The following TMCO4 variants were observed in gnomAD, a reference collection of about 807,000 sequenced individuals.
The protein encoded by TMCO4 is transmembrane and coiled-coil domains 4, also known as transmembrane and coiled-coil domain-containing protein 4.
A neutral mutation model predicts 64.7 loss-of-function variants in TMCO4; 58 were observed. The ratio of observed to expected loss-of-function variants is 0.90; its 90% CI spans 0.73 to 1.12. The LOEUF is 1.12. TMCO4 is among the 50% of genes most tolerant of loss of function. The probability of loss-of-function intolerance (pLI) is 0.00; values close to 1 mark genes in which losing one functional copy is unlikely to be tolerated. For missense variants in TMCO4, 780 were observed against 825.9 expected, an observed-to-expected ratio of 0.94 and a Z score of 0.68; for synonymous variants, 325 against 346.1, an observed-to-expected ratio of 0.94 and a Z score of 0.68.
chr1:19,733,798 A>G (rs1195724005), intron 13 of TMCO4, among the ~76,000 whole-genome samples: 14 of 152,098 alleles, frequency 9.2e-5, no homozygotes, highest in Non-Finnish European at 1.3e-4. Flanking sequence ...TGGCTTGGAG[A>G]GACAGTCTAG....
At chr1:19,684,494 C>T (rs2095131178) in intron 15 of TMCO4, among the ~76,000 whole-genome samples, 1 of 152,048 alleles carries the variant, frequency 6.6e-6, no homozygotes. Flanking sequence ...TTGGTCAAGC[C>T]CCTCTACCCC....
intron 13 of TMCO4, among the ~76,000 whole-genome samples, chr1:19,721,895 C>A (rs1016975569): frequency 6.6e-6 from 1 of 152,182 alleles, no homozygotes; most frequent in African/African-American, 2.4e-5. Context: ...GTACTACTAA[C>A]CTTGGGACTC....
chr1:19,718,924 C>A (rs1268661145), intron 13 of TMCO4, among the ~76,000 whole-genome samples: 1 of 152,166 alleles, frequency 6.6e-6, no homozygotes, highest in East Asian at 1.9e-4. Flanking sequence ...GGTACAACAA[C>A]AATCCCATGA....
In TMCO4 at chr1:19,771,449, C is replaced by T; in HGVS notation, c.213G>A (p.Val71=). The T allele has an allele frequency of 6.2e-7, 1 of 1,614,136 alleles. No homozygotes were observed. Among genetic ancestry groups the T allele is most frequent in the Non-Finnish European group, 8.5e-7 (1 of 1,180,026 alleles). Residue 71 remains valine (V), a synonymous_variant, in exon 5 of 16, where the codon GTG becomes GTA. Transcript: ENST00000294543. ...SFCTEFMAGL[V]QWLELSEAVL... Reference sequence around the variant, plus strand: ...CAGCTTCAGACAACTCCAGCCACTGCACCAGGCCTGCCATGAACTCTGTGC... The same window carrying T: ...CAGCTTCAGACAACTCCAGCCACTGTACCAGGCCTGCCATGAACTCTGTGC...
At chr1:19,740,742 C>A in intron 11 of TMCO4, 35 bp downstream of exon 11, 17 of 1,585,724 alleles carry the variant, frequency 1.1e-5, no homozygotes, top group East Asian at 2.2e-5. Context: ...AGGCAGTGGG[C>A]ATGCTGTTGT....
At chr1:19,754,887 A>T (rs938921654) in intron 7 of TMCO4, among the ~76,000 whole-genome samples, 1 of 152,130 alleles carries the variant, frequency 6.6e-6, no homozygotes. Context: ...CTTCCTAATG[A>T]TCCTGGGAGG....
At chr1:19,702,312 C>T (rs1036579803) in intron 13 of TMCO4, among the ~76,000 whole-genome samples, 2 of 142,360 alleles carry the variant, frequency 1.4e-5, no homozygotes, top group Admixed American at 1.4e-4. Flanking sequence ...AAAGTCAGGG[C>T]CCGGCACAGT....
chr1:19,736,401 G>A (rs1449223316), intron 13 of TMCO4, among the ~76,000 whole-genome samples: 4 of 152,130 alleles, frequency 2.6e-5, no homozygotes, highest in African/African-American at 7.2e-5. Flanking sequence ...TTTGGGTGAG[G>A]ACACAACCAA....
At chr1:19,777,078 G>C (rs1570997837) in intron 4 of TMCO4, among the ~76,000 whole-genome samples, 1 of 146,720 alleles carries the variant, frequency 6.8e-6, no homozygotes, top group Non-Finnish European at 1.5e-5. Flanking sequence ...GCCTCTATTT[G>C]TTCCCAGGCT....
At chr1:19,749,013 A>C (rs2041915212) in intron 7 of TMCO4, among the ~76,000 whole-genome samples, 2 of 152,188 alleles carry the variant, frequency 1.3e-5, no homozygotes, top group Admixed American at 1.3e-4. Flanking sequence ...ATTACACAGA[A>C]GCAGAAAGCA....
chr1:19,689,471 C>G (rs944889991), intron 15 of TMCO4, among the ~76,000 whole-genome samples: 5 of 152,150 alleles, frequency 3.3e-5, no homozygotes, highest in African/African-American at 1.2e-4. Context: ...CACCAAGCAT[C>G]TTACATGCGC....
chr1:19,794,942 T>C (rs1387133199), intron 2 of TMCO4, among the ~76,000 whole-genome samples: 1 of 152,122 alleles, frequency 6.6e-6, no homozygotes, highest in African/African-American at 2.4e-5. Context: ...AGTAGTCAAA[T>C]TCATAGAGAC....
intron 10 of TMCO4, among the ~76,000 whole-genome samples, chr1:19,741,365 C>A (rs1257207630): frequency 6.6e-6 from 1 of 152,200 alleles, no homozygotes; most frequent in Non-Finnish European, 1.5e-5. Context: ...CGAGAGCATA[C>A]AATGGGACAA....
intron 10 of TMCO4, 112 bp downstream of exon 10, chr1:19,745,420 C>T (rs763158626): frequency 8.1e-5 from 122 of 1,510,578 alleles, no homozygotes; most frequent in East Asian, 1.4e-4. Context: ...TCTTCCTCTG[C>T]GAAATGGGGC....
Position 19,791,167 on chromosome 1 carries a change from C to T in TMCO4, c.-100-4050G>A, listed in dbSNP as rs10917539. Among the ~76,000 whole-genome samples the T allele has an allele frequency of 9.8e-3, 1,496 of 152,038 alleles. 26 individuals carry two copies. The highest frequency in any genetic ancestry group is 0.034 in the African/African-American group (1,395 of 41,462). On this transcript the variant is annotated intron_variant, in intron 2 of 15. Transcript: ENST00000294543. ...CTGGGGCCTGTCAGCGGGTGGGATGCGAGGAGAGAGAGCATTAGGAAAAAC... is the reference window on the plus strand; with the variant it reads ...CTGGGGCCTGTCAGCGGGTGGGATGTGAGGAGAGAGAGCATTAGGAAAAAC...
At chr1:19,713,518 A>G (rs1363586744) in intron 13 of TMCO4, among the ~76,000 whole-genome samples, 1 of 151,958 alleles carries the variant, frequency 6.6e-6, no homozygotes, top group African/African-American at 2.4e-5. Context: ...GAACTGGAGG[A>G]GTGAGCCCAG....
intron 15 of TMCO4, among the ~76,000 whole-genome samples, chr1:19,683,810 TG>T (rs1181033242): frequency 7.8e-6 from 1 of 128,118 alleles, no homozygotes; most frequent in African/African-American, 3.0e-5. Context: ...TTGCCCAGGC[TG>T]GAGTGCCGTG....
chr1:19,715,304 C>T (rs561505511), intron 13 of TMCO4, among the ~76,000 whole-genome samples: 1 of 152,154 alleles, frequency 6.6e-6, no homozygotes, highest in Non-Finnish European at 1.5e-5. Context: ...AGTACAGTGG[C>T]ACAATCATAG....
chr1:19,718,650 C>CAAAA (rs754998314), intron 13 of TMCO4, among the ~76,000 whole-genome samples: 11 of 63,332 alleles, frequency 1.7e-4, no homozygotes, highest in East Asian at 5.0e-4. Flanking sequence ...GACCGTCTCT[C>CAAAA]AAAAAAAAAA....
Sources: allele counts gnomAD v4.1 joint callset (sites outside exome capture counted in the v4.1 genomes callset), GRCh38; gene constraint gnomAD v4.1.1; transcripts MANE v1.5; gene names NCBI Gene and HGNC (gene_info 2026-07-23, HGNC 2026-07-21).